Variants in ACCS observed in about 807,000 individuals in gnomAD.
The protein encoded by ACCS is 1-aminocyclopropane-1-carboxylate synthase homolog (inactive).
ACCS carries 42 observed loss-of-function variants against 59.8 expected under a neutral mutation model. The observed-to-expected ratio is 0.70, with a 90% CI of 0.55 to 0.91. The LOEUF (loss-of-function observed/expected upper bound fraction) is 0.91, where lower values mean the gene tolerates loss of function less well. Among genes scored for constraint, ACCS ranks in the 40% least tolerant of loss-of-function variants. The pLI is 0.00. For missense variants in ACCS, 602 were observed against 630.4 expected, an observed-to-expected ratio of 0.95 and a Z score of 0.48; for synonymous variants, 230 against 240.3, an observed-to-expected ratio of 0.96 and a Z score of 0.40.
Position 44,077,889 on chromosome 11 carries a change from G to A in ACCS, c.699G>A (p.Lys233=). ...GCCCCTTCCAGCTCACAGTGGAGAA[G>A]CTGGAGATGGCCCTGAGAGAAGCTC... ...DTRPFQLTVE[K]LEMALREAHS... The change falls in exon 8 of 15, where the codon AAG becomes AAA. Residue 233 remains lysine (K), a synonymous_variant. Transcript: ENST00000263776. 1 of 1,614,114 alleles carries A rather than the reference G, an allele frequency of 6.2e-7. No individual in the cohort carries two copies. Among genetic ancestry groups the A allele is most frequent in the Non-Finnish European group, 8.5e-7 (1 of 1,179,988 alleles).
chr11:44,074,867 C>T, intron 5 of ACCS, among the ~76,000 whole-genome samples, 186 bp downstream of exon 5: 1 of 145,246 alleles, frequency 6.9e-6, no homozygotes, highest in Admixed American at 7.2e-5. Context: ...CTCTGTCACC[C>T]AGACTGGAAT....
chr11:44,071,547 C>T (rs981233310), intron 3 of ACCS: 5 of 490,104 alleles, frequency 1.0e-5, no homozygotes, highest in Admixed American at 6.7e-5. Context: ...CTCAGTCCCT[C>T]CTGCTGTGTT....
At position 44,067,934 on chromosome 11, in the gene ACCS, C is replaced by T. The variant is rs1159196524; in HGVS notation, c.288+19C>T. 1.3e-6 allele frequency: 2 copies of T among 1,575,660 alleles called. No individual in the cohort carries two copies. Among genetic ancestry groups the T allele is most frequent in the South Asian group, 2.4e-5 (2 of 83,332 alleles). ...CCCCAGTGTGAGTGAAGCTCCCCTC[C>T]CACTGGGACCCAAGAGAGAACTGCA... On this transcript the variant is annotated intron_variant, in intron 2 of 14. Transcript: ENST00000263776.
In ACCS at chr11:44,079,516, C is replaced by G; in HGVS notation, c.834-15C>G. The G allele has an allele frequency of 1.2e-6, 2 of 1,602,576 alleles. No individual in the cohort carries two copies. Among genetic ancestry groups the G allele is most frequent in the African/African-American group, 2.7e-5 (2 of 74,954 alleles). ...ACACACTAAGTCTCTCCTCCCCACCCCTGCCTCACTCCAGGCACAGGCTGC... is the reference window on the plus strand; with the variant it reads ...ACACACTAAGTCTCTCCTCCCCACCGCTGCCTCACTCCAGGCACAGGCTGC... On this transcript the variant is annotated splice_polypyrimidine_tract_variant and intron_variant, in intron 9 of 14. Coordinates refer to ENST00000263776, the MANE Select transcript of ACCS (RefSeq NM_032592.4).
At chr11:44,070,467 G>A (rs193033041) in intron 2 of ACCS, among the ~76,000 whole-genome samples, 6 of 152,244 alleles carry the variant, frequency 3.9e-5, no homozygotes, top group Admixed American at 6.5e-5. Flanking sequence ...TTACCAGGTC[G>A]TGAAGGAGCA....
Position 44,081,219 on chromosome 11 carries a change from C to A in ACCS, c.1010C>A (p.Thr337Lys). The A allele has an allele frequency of 6.2e-7, 1 of 1,614,252 alleles. No individual in the cohort carries two copies. The highest frequency in any genetic ancestry group is 8.5e-7 in the Non-Finnish European group (1 of 1,180,048). Reference sequence around the variant, plus strand: ...GGGCTCCGCTTTGGCACGCTGTACACAGAAAACCAGGATGTGGCCACTGCC... The same window carrying A: ...GGGCTCCGCTTTGGCACGCTGTACAAAGAAAACCAGGATGTGGCCACTGCC... ...MSGLRFGTLY[T>K]ENQDVATAVA... Residue 337 changes from threonine to lysine, a missense_variant, in exon 12 of 15, where the codon ACA becomes AAA. Physicochemically the swap from Thr to Lys is moderately conservative, Grantham distance 78 (BLOSUM62 -1). Coordinates refer to ENST00000263776, the MANE Select transcript of ACCS (RefSeq NM_032592.4).
At chr11:44,073,915 C>A (rs1229950367) in intron 4 of ACCS, among the ~76,000 whole-genome samples, 5 of 152,130 alleles carry the variant, frequency 3.3e-5, no homozygotes. Flanking sequence ...CTGGCTGGGG[C>A]CTTTTCCTAA....
intron 7 of ACCS, 106 bp downstream of exon 7, chr11:44,077,482 G>C: frequency 1.9e-6 from 3 of 1,558,158 alleles, no homozygotes; most frequent in Non-Finnish European, 2.6e-6. Flanking sequence ...GGGTTGTGAT[G>C]AGTAGGGAAT....
chr11:44,073,612 C>T (rs1436908417), intron 4 of ACCS, 95 bp downstream of exon 4: 7 of 1,289,226 alleles, frequency 5.4e-6, no homozygotes, highest in Non-Finnish European at 7.5e-6. Flanking sequence ...GTCAGGTGCT[C>T]CTGGCATTTA....
chr11:44,073,902 G>T (rs878909965), intron 4 of ACCS, among the ~76,000 whole-genome samples: 10 of 152,228 alleles, frequency 6.6e-5, no homozygotes, highest in Admixed American at 5.9e-4. Context: ...GCTGTTCGGG[G>T]AGCTGGCTGG....
chr11:44,068,503 G>A (rs1454754098), intron 2 of ACCS, among the ~76,000 whole-genome samples: 1 of 152,140 alleles, frequency 6.6e-6, no homozygotes, highest in African/African-American at 2.4e-5. Flanking sequence ...TACTGGGGAG[G>A]CTGAGGTGGA....
chr11:44,072,540 C>T (rs1953110236), intron 3 of ACCS: 1 of 151,790 alleles, frequency 6.6e-6, no homozygotes, highest in Non-Finnish European at 1.5e-5. Context: ...AGGTGAGCCA[C>T]ATATATCAAT....
At chr11:44,074,531 G>C in intron 4 of ACCS, 81 bp from the exon 5 acceptor site, 2 of 1,076,286 alleles carry the variant, frequency 1.9e-6, no homozygotes, top group East Asian at 4.8e-5. Flanking sequence ...GCAGCTGCCT[G>C]AGGATTCACC....
chr11:44,072,509 G>A (rs1953109586), intron 3 of ACCS: 1 of 151,818 alleles, frequency 6.6e-6, no homozygotes, highest in Non-Finnish European at 1.5e-5. Flanking sequence ...TCCTTCTAAG[G>A]CAGCTAAGCA....
chr11:44,075,721 C>A, intron 6 of ACCS, 129 bp downstream of exon 6: 1 of 1,133,054 alleles, frequency 8.8e-7, no homozygotes, highest in Non-Finnish European at 1.2e-6. Context: ...CTGCAGGGGG[C>A]TTGAATAAGT....
At chr11:44,080,306 G>A (rs1184764144) in intron 10 of ACCS, among the ~76,000 whole-genome samples, 2 of 152,172 alleles carry the variant, frequency 1.3e-5, no homozygotes, top group African/African-American at 4.8e-5. Context: ...CCGGCTGTTT[G>A]TTCAGAACCT....
At chr11:44,083,143 T>A in intron 12 of ACCS, 26 bp from the exon 13 acceptor site, 1 of 1,531,504 alleles carries the variant, frequency 6.5e-7, no homozygotes, top group Non-Finnish European at 8.7e-7. Context: ...GGGATATTGA[T>A]CTTCTGGCCT....
chr11:44,082,708 C>T (rs902534406), intron 12 of ACCS, among the ~76,000 whole-genome samples: 7 of 152,068 alleles, frequency 4.6e-5, no homozygotes, highest in African/African-American at 1.7e-4. Context: ...CATAAATGTA[C>T]ACATGTATTA....
chr11:44,073,511 A>G lies in ACCS; in HGVS notation c.413A>G (p.His138Arg), dbSNP rs962964707. Residue 138 changes from histidine to arginine, a missense_variant, in exon 4 of 15, where the codon CAT (histidine) becomes CGT (arginine). His to Arg is a conservative substitution (Grantham distance 29). Transcript: ENST00000263776. ...SLLQYADWRGHLFLREEVAKF... is the reference protein window; with the variant it reads ...SLLQYADWRGRLFLREEVAKF... ...CTGCAGTATGCTGACTGGAGGGGAC[A>G]TCTGTTGTAAGTAGTTGCCATAGGG... The G allele has an allele frequency of 1.2e-6, 2 of 1,607,728 alleles. No homozygotes were observed. Among genetic ancestry groups the G allele is most frequent in the African/African-American group, 2.7e-5 (2 of 74,836 alleles).
Sources: gnomAD v4.1 joint callset for allele counts (sites outside exome capture counted in the v4.1 genomes callset) on GRCh38, gnomAD v4.1.1 for gene constraint, MANE v1.5 for transcripts, NCBI Gene and HGNC (gene_info 2026-07-23, HGNC 2026-07-21) for gene names.